CR1L: variants seen among roughly 807,000 people sequenced by gnomAD.
The protein encoded by CR1L is complement component receptor 1-like protein.
Under a neutral mutation model 62.3 loss-of-function variants are expected in CR1L, and 59 were observed. The ratio of observed to expected loss-of-function variants is 0.95; its 90% CI spans 0.77 to 1.18. The LOEUF is 1.18. Ranked by LOEUF, CR1L falls within the 50% of genes most tolerant of loss-of-function variation. The pLI, the probability that CR1L is intolerant of heterozygous loss-of-function variation, is 0.00. For synonymous variants in CR1L, 279 were observed against 248.7 expected, an observed-to-expected ratio of 1.12 and a Z score of -1.15; for missense variants, 700 against 702.8, an observed-to-expected ratio of 1.00 and a Z score of 0.04.
intron 1 of CR1L, among the ~76,000 whole-genome samples, chr1:207,669,722 G>A (rs1663581021): frequency 6.6e-6 from 1 of 151,316 alleles, no homozygotes; most frequent in African/African-American, 2.5e-5. Flanking sequence ...CAGGGCGGCG[G>A]GTCTGGGATC....
In CR1L at chr1:207,697,827, C is replaced by G. The variant is rs752808996; in HGVS notation, c.1096C>G (p.Leu366Val). The G allele has an allele frequency of 4.8e-5, 77 of 1,613,982 alleles. No individual in the cohort carries two copies. The highest frequency in any genetic ancestry group is 1.6e-4 in the Middle Eastern group (1 of 6,062). ...TCCTAATGGCCATGTGCTATTTCCA[C>G]TTAATCTCCAGCTTGGAGCAAAAGT... ...QLPNGHVLFP[L>V]NLQLGAKVDF... The change falls in exon 7 of 12, where the codon CTT (leucine) becomes GTT (valine). Residue 366 changes from leucine to valine, a missense_variant. Leu to Val is a conservative substitution (Grantham distance 32). Coordinates refer to ENST00000508064, the MANE Select transcript of CR1L (RefSeq NM_175710.2).
chr1:207,713,743 G>A (rs1055603817), intron 10 of CR1L, among the ~76,000 whole-genome samples: 1 of 152,258 alleles, frequency 6.6e-6, no homozygotes, highest in African/African-American at 2.4e-5. Context: ...GCCCAAACAG[G>A]GGTCCCCACG....
chr1:207,677,660 A>C (rs1470623993), intron 2 of CR1L, 92 bp downstream of exon 2: 1 of 1,436,540 alleles, frequency 7.0e-7, no homozygotes, highest in Non-Finnish European at 9.5e-7. Context: ...AGTTGCATAC[A>C]ACAATTAGTT....
intron 1 of CR1L, among the ~76,000 whole-genome samples, chr1:207,674,008 G>A (rs1663652322): frequency 6.6e-6 from 1 of 152,204 alleles, no homozygotes; most frequent in South Asian, 2.1e-4. Context: ...ATTTGTATAT[G>A]TGCAGCAACC....
At chr1:207,704,657 C>A (rs1664243356) in intron 9 of CR1L, among the ~76,000 whole-genome samples, 1 of 152,222 alleles carries the variant, frequency 6.6e-6, no homozygotes, top group African/African-American at 2.4e-5. Context: ...AACCTTGAGG[C>A]AAGACCCTCC....
In CR1L at chr1:207,672,613, A is replaced by G. The variant is rs1482136829; in HGVS notation, c.98-4776A>G. Among the ~76,000 whole-genome samples, 3 of 152,062 alleles carry G rather than the reference A, an allele frequency of 2.0e-5. No homozygotes were observed. The East Asian group carries it at 5.8e-4, about 29-fold the overall frequency. On this transcript the variant is annotated intron_variant, in intron 1 of 11. Transcript: ENST00000508064. ...CAGACGACTTCATCCAACAACAGCA[A>G]AAGACATTCTCTGGCTCACATTCAT...
chr1:207,706,876 C>CA (rs1664275506), intron 9 of CR1L, among the ~76,000 whole-genome samples: 1 of 152,000 alleles, frequency 6.6e-6, no homozygotes, highest in African/African-American at 2.4e-5. Context: ...ACCATAAACA[C>CA]AAAAACTGGC....
At chr1:207,649,355 G>T (rs930338740) in intron 1 of CR1L, among the ~76,000 whole-genome samples, 1 of 152,162 alleles carries the variant, frequency 6.6e-6, no homozygotes, top group Non-Finnish European at 1.5e-5. Context: ...AAATCACAGG[G>T]TGAGCAGTTC....
rs1664122416 is a variant in CR1L, at chr1:207,697,586, T to C, written c.946T>C (p.Tyr316His). 6.2e-7 allele frequency: 1 copy of C among 1,613,780 alleles called. No individual in the cohort carries two copies. The highest frequency in any genetic ancestry group is 1.3e-5 in the African/African-American group (1 of 74,912). The change falls in exon 6 of 12, where the codon TAC (tyrosine) becomes CAC (histidine). Residue 316 changes from tyrosine (Y) to histidine (H), a missense_variant. By Grantham distance (83) the Tyr-to-His change is moderately conservative. Transcript: ENST00000508064. ...CTTTTCACCCGGGCAGGAAGTGTTCTACAGCTGTGAGCCCGGCTACGACCT... is the reference window on the plus strand; with the variant it reads ...CTTTTCACCCGGGCAGGAAGTGTTCCACAGCTGTGAGCCCGGCTACGACCT... ...DNFSPGQEVF[Y>H]SCEPGYDLRG...
At chr1:207,648,324 A>G (rs561791654) in intron 1 of CR1L, among the ~76,000 whole-genome samples, 1 of 152,356 alleles carries the variant, frequency 6.6e-6, no homozygotes, top group Admixed American at 6.5e-5. Flanking sequence ...ATGGAAGATA[A>G]CAAAACTAAA....
intron 11 of CR1L, among the ~76,000 whole-genome samples, chr1:207,719,799 T>G (rs1285159375): frequency 6.6e-6 from 1 of 152,110 alleles, no homozygotes; most frequent in Non-Finnish European, 1.5e-5. Context: ...GATAGTATTC[T>G]TATTGTCTCA....
At chr1:207,702,068 G>A (rs1450443751) in intron 9 of CR1L, among the ~76,000 whole-genome samples, 1 of 152,088 alleles carries the variant, frequency 6.6e-6, no homozygotes, top group East Asian at 1.9e-4. Context: ...ACAAATTGAA[G>A]GCTTGTGGCA....
intron 1 of CR1L, among the ~76,000 whole-genome samples, chr1:207,650,631 T>C (rs544446907): frequency 6.6e-6 from 1 of 152,292 alleles, no homozygotes; most frequent in Non-Finnish European, 1.5e-5. Flanking sequence ...AGGAGCAAGA[T>C]GGTCAGGTTT....
chr1:207,662,923 G>A (rs1178831429), intron 1 of CR1L, among the ~76,000 whole-genome samples: 3 of 152,218 alleles, frequency 2.0e-5, no homozygotes, highest in Non-Finnish European at 4.4e-5. Flanking sequence ...TCTAGACCCT[G>A]TTTGCCTGGA....
intron 1 of CR1L, among the ~76,000 whole-genome samples, chr1:207,648,951 A>G (rs1032797462): frequency 6.6e-6 from 1 of 150,808 alleles, no homozygotes; most frequent in African/African-American, 2.5e-5. Flanking sequence ...ACAGCAGTGG[A>G]CTTTGAGTAC....
chr1:207,700,807 C>A (rs1664178160), intron 8 of CR1L, among the ~76,000 whole-genome samples: 1 of 152,196 alleles, frequency 6.6e-6, no homozygotes, highest in African/African-American at 2.4e-5. Flanking sequence ...GTGGCTGACA[C>A]AGGATAAGTG....
intron 3 of CR1L, among the ~76,000 whole-genome samples, chr1:207,679,296 C>T (rs1414805639): frequency 6.6e-6 from 1 of 151,790 alleles, no homozygotes; most frequent in Non-Finnish European, 1.5e-5. Context: ...TGAGCCACCG[C>T]ACCCAGCCCA....
chr1:207,708,356 A>G lies in CR1L; in HGVS notation c.1414+93A>G, dbSNP rs1431066927. 12 of 1,477,136 alleles carry G rather than the reference A, an allele frequency of 8.1e-6. No individual in the cohort carries two copies. In the East Asian group the frequency reaches 2.7e-4, roughly 34 times the overall value. 91.5% of individuals were successfully genotyped at this position (1,477,136 alleles called of 1,614,324 possible). ...AAGAATGAATCTCATCCCTCTTGGA[A>G]ATGGTATCCTTCTGATATTTGAAGA... is the stretch of plus-strand genomic sequence containing the variant. On this transcript the variant is annotated intron_variant, in intron 10 of 11. Coordinates refer to ENST00000508064, the MANE Select transcript of CR1L (RefSeq NM_175710.2).
intron 1 of CR1L, among the ~76,000 whole-genome samples, chr1:207,658,166 G>A (rs1003344420): frequency 7.9e-5 from 12 of 151,826 alleles, no homozygotes; most frequent in African/African-American, 2.4e-4. Flanking sequence ...ACATACTTAC[G>A]TTAGAAAAAA....
Sources: allele counts gnomAD v4.1 joint callset (sites outside exome capture counted in the v4.1 genomes callset), GRCh38; gene constraint gnomAD v4.1.1; transcripts MANE v1.5; gene names NCBI Gene and HGNC (gene_info 2026-07-23, HGNC 2026-07-21).